FAR2: variants seen among roughly 807,000 people sequenced by gnomAD.
The protein encoded by FAR2 is epididymis secretory protein Li 81.
Under a neutral mutation model 56.0 loss-of-function variants are expected in FAR2, and 19 were observed. The ratio of observed to expected loss-of-function variants is 0.34; its 90% CI spans 0.24 to 0.50. The LOEUF is 0.50. Among genes scored for constraint, FAR2 ranks in the 20% least tolerant of loss-of-function variants. The probability of loss-of-function intolerance (pLI) is 0.98; values close to 1 mark genes in which losing one functional copy is unlikely to be tolerated. For missense variants in FAR2, 508 were observed against 642.2 expected (o/e 0.79, Z 2.26); for synonymous variants, 219 against 218.8 (o/e 1.00, Z -0.01).
rs972761830 is a variant in FAR2 at position 29,253,269 on chromosome 12, A to G, written c.-38-17143A>G. Among the ~76,000 whole-genome samples, 4 of 34,010 alleles carry G rather than the reference A, an allele frequency of 1.2e-4. 1 individual carries two copies. The South Asian group carries it at 5.7e-3, about 49-fold the overall frequency. 22.3% of individuals were successfully genotyped at this position (34,010 alleles called of 152,430 possible). A position where few individuals can be genotyped will look rare whatever the true frequency, so the allele number is the denominator to read the frequency against. On this transcript the variant is annotated intron_variant, in intron 1 of 11. Coordinates refer to ENST00000536681, the MANE Select transcript of FAR2 (RefSeq NM_001271783.2). The stretch of plus-strand genomic sequence containing the variant: ...TATATCGATATCTATCTAGATAGAT[A>G]TCTATATATCGATATCTATATCTAT...
chr12:29,212,963 G>T (rs934257250), intron 1 of FAR2, among the ~76,000 whole-genome samples: 1 of 152,072 alleles, frequency 6.6e-6, no homozygotes, highest in African/African-American at 2.4e-5. Flanking sequence ...TTTTTCCTTT[G>T]TAGTGTCATT....
At chr12:29,162,067 A>G (rs773471338) in intron 1 of FAR2, among the ~76,000 whole-genome samples, 6 of 152,132 alleles carry the variant, frequency 3.9e-5, no homozygotes, top group Non-Finnish European at 7.4e-5. Context: ...CTCCCAATCT[A>G]TGCCTGGCCT....
At chr12:29,198,217 T>C (rs1950157558) in intron 1 of FAR2, among the ~76,000 whole-genome samples, 1 of 152,172 alleles carries the variant, frequency 6.6e-6, no homozygotes, top group African/African-American at 2.4e-5. Context: ...GTTTTTTATT[T>C]TAATTTTAAC....
chr12:29,256,290 G>A (rs1218464349), intron 1 of FAR2, among the ~76,000 whole-genome samples: 1 of 152,062 alleles, frequency 6.6e-6, no homozygotes, highest in Non-Finnish European at 1.5e-5. Context: ...TGGGCCCAAG[G>A]AATCCTCCCG....
rs542040727 is a variant in FAR2 at position 29,181,570 on chromosome 12, C to G, written c.-39+32163C>G. 8.3e-4 allele frequency among the ~76,000 whole-genome samples: 126 copies of G among 152,140 alleles called. 1 individual carries two copies. Among genetic ancestry groups the G allele is most frequent in the African/African-American group, 2.9e-3 (119 of 41,492 alleles). ...CTCACTTCACAGAGAAGATGCAAGA[C>G]AGTAGAAAGAACCTGCCTCCCACCA... On this transcript the variant is annotated intron_variant, in intron 1 of 11. Transcript: ENST00000536681.
chr12:29,239,658 T>C (rs150043028), intron 1 of FAR2, among the ~76,000 whole-genome samples: 1 of 152,252 alleles, frequency 6.6e-6, no homozygotes, highest in Non-Finnish European at 1.5e-5. Flanking sequence ...CCCAAAGTCA[T>C]CATAACCAAA....
intron 8 of FAR2, among the ~76,000 whole-genome samples, chr12:29,316,492 C>T (rs1187930971): frequency 6.6e-6 from 1 of 152,124 alleles, no homozygotes; most frequent in South Asian, 2.1e-4. Context: ...TAAGGTCTCT[C>T]GCCTCTGTCT....
At chr12:29,256,317 A>T (rs1487742078) in intron 1 of FAR2, among the ~76,000 whole-genome samples, 3 of 152,046 alleles carry the variant, frequency 2.0e-5, no homozygotes, top group African/African-American at 7.2e-5. Flanking sequence ...CCTTCCTAGT[A>T]GCTGAGATTA....
chr12:29,293,563 T>A, intron 3 of FAR2, 88 bp downstream of exon 3: 1 of 1,213,070 alleles, frequency 8.2e-7, no homozygotes, highest in Non-Finnish European at 1.1e-6. Flanking sequence ...AGAAATACAC[T>A]CTAAACAAAA....
chr12:29,202,929 CAG>C (rs1033402981), intron 1 of FAR2, among the ~76,000 whole-genome samples: 82 of 152,296 alleles, frequency 5.4e-4, no homozygotes, highest in Admixed American at 4.5e-3. Context: ...AACTAACACA[CAG>C]GACATTCCAG....
At chr12:29,202,072 C>T (rs1947423383) in intron 1 of FAR2, among the ~76,000 whole-genome samples, 1 of 151,936 alleles carries the variant, frequency 6.6e-6, no homozygotes, top group Non-Finnish European at 1.5e-5. Context: ...AGGTAATTAA[C>T]TTTCAGTCAG....
chr12:29,157,584 G>A (rs1386317420), intron 1 of FAR2, among the ~76,000 whole-genome samples: 1 of 152,154 alleles, frequency 6.6e-6, no homozygotes, highest in Non-Finnish European at 1.5e-5. Flanking sequence ...ATCTGCTGAT[G>A]AATAACAGGA....
chr12:29,306,173 T>C (rs773896143), intron 4 of FAR2, among the ~76,000 whole-genome samples: 8 of 152,132 alleles, frequency 5.3e-5, no homozygotes, highest in Non-Finnish European at 7.3e-5. Flanking sequence ...TCCTATATTC[T>C]TTCCCAGCCC....
chr12:29,296,072 A>T (rs9669514), intron 3 of FAR2, among the ~76,000 whole-genome samples: 82,740 of 152,070 alleles, frequency 0.54, 22,990 homozygotes, highest in East Asian at 0.65. Context: ...CCGGCCTTTT[A>T]ACGTAATTTT....
chr12:29,178,610 T>A (rs1188571371), intron 1 of FAR2, among the ~76,000 whole-genome samples: 48 of 152,256 alleles, frequency 3.2e-4, no homozygotes, highest in Non-Finnish European at 1.2e-4. Flanking sequence ...CAAGATCTTG[T>A]CTCAATTTTT....
At chr12:29,208,732 A>T (rs931389349) in intron 1 of FAR2, among the ~76,000 whole-genome samples, 2 of 152,204 alleles carry the variant, frequency 1.3e-5, no homozygotes, top group Non-Finnish European at 2.9e-5. Context: ...AGAGTAAATG[A>T]ATGCTAAAGT....
intron 1 of FAR2, among the ~76,000 whole-genome samples, chr12:29,192,452 G>C (rs752260576): frequency 6.6e-6 from 1 of 152,128 alleles, no homozygotes; most frequent in Non-Finnish European, 1.5e-5. Flanking sequence ...CACTATGATG[G>C]ATGCTTTATA....
chr12:29,167,952 A>G (rs1231231770), intron 1 of FAR2, among the ~76,000 whole-genome samples: 1 of 152,224 alleles, frequency 6.6e-6, no homozygotes, highest in East Asian at 1.9e-4. Context: ...ATTCCTCATT[A>G]CCAGTTACTA....
At chr12:29,218,115 G>C (rs1475641968) in intron 1 of FAR2, among the ~76,000 whole-genome samples, 1 of 152,054 alleles carries the variant, frequency 6.6e-6, no homozygotes, top group Non-Finnish European at 1.5e-5. Flanking sequence ...CCAGCAGTTT[G>C]GGAGGCCAAG....
Sources: gnomAD v4.1 joint callset for allele counts (sites outside exome capture counted in the v4.1 genomes callset) on GRCh38, gnomAD v4.1.1 for gene constraint, MANE v1.5 for transcripts, NCBI Gene and HGNC (gene_info 2026-07-23, HGNC 2026-07-21) for gene names.